The following ANKS1A variants were observed in gnomAD, a reference collection of about 807,000 sequenced individuals.
The protein encoded by ANKS1A is ankyrin repeat and SAM domain-containing protein 1A.
Under a neutral mutation model 120.3 loss-of-function variants are expected in ANKS1A, and 55 were observed. The observed-to-expected ratio is 0.46, with a 90% confidence interval of 0.37 to 0.57. ANKS1A has a LOEUF of 0.57. Among genes scored for constraint, ANKS1A ranks in the 20% least tolerant of loss-of-function variants. The pLI is 0.00. For synonymous variants in ANKS1A, 590 were observed against 604.7 expected, an observed-to-expected ratio of 0.98 and a Z score of 0.36; for missense variants, 1,123 against 1,480.3, an observed-to-expected ratio of 0.76 and a Z score of 3.96.
At chr6:35,022,227 G>A (rs1039871244) in intron 11 of ANKS1A, among the ~76,000 whole-genome samples, 2 of 152,194 alleles carry the variant, frequency 1.3e-5, no homozygotes, top group Non-Finnish European at 2.9e-5. Context: ...GGAGAAGAGA[G>A]GTTGGAGAGA....
intron 10 of ANKS1A, among the ~76,000 whole-genome samples, chr6:35,008,571 A>G (rs1290265911): frequency 6.6e-6 from 1 of 152,288 alleles, no homozygotes; most frequent in Admixed American, 6.5e-5. Context: ...CTGTCTTCTT[A>G]TTATTAATTT....
At chr6:35,039,093 G>T (rs79081220) in intron 11 of ANKS1A, among the ~76,000 whole-genome samples, 265 of 42,114 alleles carry the variant, frequency 6.3e-3, no homozygotes, top group African/African-American at 0.012. Flanking sequence ...TGTGTGTGTG[G>T]GGGGGGGTTA....
chr6:34,907,499 G>A (rs557234117), intron 1 of ANKS1A, among the ~76,000 whole-genome samples: 2 of 152,126 alleles, frequency 1.3e-5, no homozygotes, highest in East Asian at 1.9e-4. Flanking sequence ...TCCCACAAAC[G>A]CTATATTTTT....
At chr6:34,929,662 CT>C (rs893368667) in intron 1 of ANKS1A, among the ~76,000 whole-genome samples, 1 of 152,138 alleles carries the variant, frequency 6.6e-6, no homozygotes, top group Non-Finnish European at 1.5e-5. Context: ...TTAACCATGA[CT>C]TTTAAATTAT....
At chr6:35,000,345 C>G (rs1166242759) in intron 10 of ANKS1A, among the ~76,000 whole-genome samples, 2 of 149,900 alleles carry the variant, frequency 1.3e-5, no homozygotes. Context: ...CCCAAACTAA[C>G]AAGGTTTTCA....
At chr6:35,028,358 T>G (rs1256483347) in intron 11 of ANKS1A, among the ~76,000 whole-genome samples, 1 of 152,134 alleles carries the variant, frequency 6.6e-6, no homozygotes, top group African/African-American at 2.4e-5. Context: ...GGTGGAGATC[T>G]CCCAGCCTCA....
chr6:34,914,544 GAAAC>G (rs1768067191), intron 1 of ANKS1A, among the ~76,000 whole-genome samples: 1 of 152,104 alleles, frequency 6.6e-6, no homozygotes, highest in Non-Finnish European at 1.5e-5. Context: ...GGGCAAAAAG[GAAAC>G]AGTTTTGAAA....
Position 35,084,997 on chromosome 6 carries a change from A to G in ANKS1A, c.3132+739A>G, listed in dbSNP as rs1468119766. ...GGTCTCTGCCGCCCTCAGGGATAGC[A>G]GCTGCTTCCAGAATCTCTGTGGCTC... On this transcript the variant is annotated intron_variant, in intron 21 of 23. Transcript: ENST00000360359. This position sits in a 1 kb window ranked among gnomAD's most constrained non-coding sequence, Gnocchi z 4.8. 2.0e-5 allele frequency among the ~76,000 whole-genome samples: 3 copies of G among 152,152 alleles called. No individual in the cohort carries two copies. Among genetic ancestry groups the G allele is most frequent in the African/African-American group, 7.2e-5 (3 of 41,448 alleles).
intron 9 of ANKS1A, among the ~76,000 whole-genome samples, chr6:34,990,571 T>G (rs187896250): frequency 1.3e-5 from 2 of 151,586 alleles, no homozygotes; most frequent in East Asian, 3.9e-4. Context: ...AAATGCCTTC[T>G]GCCCCTCTTT....
chr6:35,086,128 G>C lies in ANKS1A; in HGVS notation c.3303+192G>C, dbSNP rs930266684. 1.7e-6 allele frequency: 2 copies of C among 1,156,078 alleles called. No individual in the cohort carries two copies. The highest frequency in any genetic ancestry group is 5.3e-5 in the East Asian group (2 of 37,506). The allele number at this position is 1,156,078 out of a possible 1,614,324, so 71.6% of individuals were successfully genotyped here. On this transcript the variant is annotated intron_variant, in intron 22 of 23. Transcript: ENST00000360359. This position sits in a 1 kb window ranked among gnomAD's most constrained non-coding sequence, Gnocchi z 5.1. ...AGGCAGCAGCTCCTCTGGCCTGGGC[G>C]GGCCTCTCATGCTCCTGTTTCCCTC...
At chr6:35,093,890 G>A (rs1778381248), downstream of ANKS1A, among the ~76,000 whole-genome samples, 1 of 152,200 alleles carries the variant, frequency 6.6e-6, no homozygotes, top group Admixed American at 6.5e-5. Context: ...GCTATAATGA[G>A]GTGCCCAACA....
intron 13 of ANKS1A, among the ~76,000 whole-genome samples, chr6:35,071,623 G>A (rs1777091075): frequency 6.6e-6 from 1 of 152,078 alleles, no homozygotes; most frequent in South Asian, 2.1e-4. Flanking sequence ...TTCCTGGGGG[G>A]CTGATGGTTT....
intron 13 of ANKS1A, among the ~76,000 whole-genome samples, chr6:35,076,626 GTTTGGT>G (rs998879567): frequency 2.0e-5 from 3 of 152,052 alleles, no homozygotes; most frequent in African/African-American, 7.2e-5. Flanking sequence ...ATTTTGTTTT[GTTTGGT>G]TTTGTTTTGT....
intron 1 of ANKS1A, among the ~76,000 whole-genome samples, chr6:34,944,494 C>T (rs1478564793): frequency 6.6e-6 from 1 of 152,116 alleles, no homozygotes; most frequent in Non-Finnish European, 1.5e-5. Flanking sequence ...TTATTTGCCA[C>T]CTGTACATCT....
At position 35,091,148 on chromosome 6, in the gene ANKS1A, C is replaced by CT; in HGVS notation, c.*2542dup. ...AACTGTAATGAAAATGTTATTTAAT[C>CT]TTTGTCTCTGTATTTTGATACTTGA... On this transcript the variant is annotated 3_prime_UTR_variant, in exon 24 of 24. Coordinates refer to ENST00000360359, the MANE Select transcript of ANKS1A (RefSeq NM_015245.3). The CT allele has an allele frequency of 1.0e-6, 1 of 985,870 alleles. No individual in the cohort carries two copies. The highest frequency in any genetic ancestry group is 1.2e-6 in the Non-Finnish European group (1 of 829,936). The allele number at this position is 985,870 out of a possible 1,614,324, so 61.1% of individuals were successfully genotyped here.
chr6:34,891,719 C>A (rs1169667537), intron 1 of ANKS1A, among the ~76,000 whole-genome samples: 1 of 152,118 alleles, frequency 6.6e-6, no homozygotes, highest in Non-Finnish European at 1.5e-5. Flanking sequence ...CCTTCGCCTT[C>A]CTGGGTTCAA....
intron 1 of ANKS1A, among the ~76,000 whole-genome samples, chr6:34,928,287 G>C (rs1008858962): frequency 3.3e-5 from 5 of 151,986 alleles, no homozygotes; most frequent in Admixed American, 3.3e-4. Flanking sequence ...TGGAAGAAGA[G>C]AGCAGCCTTT....
Position 34,981,741 on chromosome 6 carries a change from G to C in ANKS1A, c.487G>C (p.Glu163Gln). ...TTGTGCAGCGCAGTATGGCCACACA[G>C]AGGTGGTGAAGGTGCTCTTAGAGGA... ...LHCAAQYGHT[E>Q]VVKVLLEELT... The change falls in exon 4 of 24, where the codon GAG becomes CAG. Residue 163 changes from glutamate (E) to glutamine (Q), a missense_variant. Physicochemically the swap from Glu to Gln is conservative, Grantham distance 29 (BLOSUM62 2). This residue lies in a region of ANKS1A where 146 missense variants were observed against 267.8 expected (regional missense o/e 0.55). Coordinates refer to ENST00000360359, the MANE Select transcript of ANKS1A (RefSeq NM_015245.3). 1 of 1,614,184 alleles carries C rather than the reference G, an allele frequency of 6.2e-7. No individual in the cohort carries two copies. Among genetic ancestry groups the C allele is most frequent in the Admixed American group, 1.7e-5 (1 of 60,026 alleles).
intron 10 of ANKS1A, among the ~76,000 whole-genome samples, chr6:35,009,736 C>A (rs2504166): frequency 6.6e-6 from 1 of 151,644 alleles, no homozygotes; most frequent in Non-Finnish European, 1.5e-5. Flanking sequence ...AACCCCATCT[C>A]TTCTAAAAAT....
Sources: gnomAD v4.1 joint callset for allele counts (sites outside exome capture counted in the v4.1 genomes callset) on GRCh38, gnomAD v4.1.1 for gene constraint, gnomAD v4.1.1 regional missense constraint, Gnocchi (gnomAD v3.1) non-coding constraint, MANE v1.5 for transcripts, NCBI Gene and HGNC (gene_info 2026-07-23, HGNC 2026-07-21) for gene names.